Variants in TRIM21 observed in about 807,000 individuals in gnomAD.
TRIM21 encodes tripartite motif containing 21.
A neutral mutation model predicts 36.1 loss-of-function variants in TRIM21; 35 were observed. That is an observed-to-expected ratio of 0.97 (90% CI 0.74 to 1.28). The LOEUF is 1.28. Ranked by LOEUF, TRIM21 falls within the 50% of genes most tolerant of loss-of-function variation. The pLI, the probability that TRIM21 is intolerant of heterozygous loss-of-function variation, is 0.00. For missense variants in TRIM21, 635 were observed against 570.7 expected (o/e 1.11, Z -1.15); for synonymous variants, 256 against 211.5 (o/e 1.21, Z -1.83).
chr11:4,393,344 G>T (rs989144553), intron 1 of TRIM21, among the ~76,000 whole-genome samples: 2 of 151,850 alleles, frequency 1.3e-5, no homozygotes, highest in Non-Finnish European at 2.9e-5. Context: ...TCCCCTTCTG[G>T]GTAACTCCAC....
chr11:4,391,519 G>T (rs1007306839), intron 1 of TRIM21, among the ~76,000 whole-genome samples: 3 of 152,198 alleles, frequency 2.0e-5, no homozygotes, highest in Non-Finnish European at 4.4e-5. Context: ...CAGTTTGGAG[G>T]TTCTTCAAAA....
At chr11:4,390,817 A>T (rs745538157) in intron 1 of TRIM21, among the ~76,000 whole-genome samples, 1 of 152,208 alleles carries the variant, frequency 6.6e-6, no homozygotes, top group Non-Finnish European at 1.5e-5. Context: ...AAGAACATAC[A>T]GTGAGGAAAG....
intron 6 of TRIM21, 53 bp from the exon 7 acceptor site, chr11:4,385,906 T>A: frequency 1.4e-6 from 2 of 1,454,802 alleles, no homozygotes; most frequent in Non-Finnish European, 9.3e-7. Context: ...TCACTAAGTC[T>A]GTGCCTGTGG....
intron 3 of TRIM21, among the ~76,000 whole-genome samples, chr11:4,388,950 C>T (rs191427648): frequency 9.7e-4 from 148 of 152,286 alleles, no homozygotes; most frequent in African/African-American, 3.2e-3. Flanking sequence ...GCCACCACCT[C>T]TAAGTCCTGG....
rs1334122903 is a variant in TRIM21 at position 4,389,520 on chromosome 11, G to T, written c.504+134C>A. The T allele has an allele frequency of 4.2e-5, 31 of 745,578 alleles. No individual in the cohort carries two copies. The East Asian group carries it at 7.8e-4, about 19-fold the overall frequency. The allele number at this position is 745,578 out of a possible 1,614,324, so 46.2% of individuals were successfully genotyped here. ...CTATTTGTAAACCTAGAGAGCAGCT[G>T]GCTTCTGGAGAGTGAGACGGACCAA... On this transcript the variant is annotated intron_variant, in intron 3 of 6. Transcript: ENST00000254436.
chr11:4,391,504 G>A (rs1160607440), intron 1 of TRIM21, among the ~76,000 whole-genome samples: 2 of 152,174 alleles, frequency 1.3e-5, no homozygotes, highest in African/African-American at 4.8e-5. Flanking sequence ...AATCACTACA[G>A]AGAACAGTTT....
intron 1 of TRIM21, among the ~76,000 whole-genome samples, chr11:4,391,849 T>A (rs1044777640): frequency 3.9e-5 from 6 of 152,198 alleles, no homozygotes; most frequent in African/African-American, 1.4e-4. Context: ...TTGTATGGTC[T>A]CACTCATTTG....
chr11:4,387,264 T>TC (rs1415940393), intron 4 of TRIM21, among the ~76,000 whole-genome samples: 1 of 139,598 alleles, frequency 7.2e-6, no homozygotes, highest in Non-Finnish European at 1.6e-5. Flanking sequence ...TTTTTTTTTT[T>TC]TCCCCAGGGG....
intron 1 of TRIM21, among the ~76,000 whole-genome samples, chr11:4,392,268 T>C (rs1481037416): frequency 6.6e-6 from 1 of 151,474 alleles, no homozygotes; most frequent in East Asian, 1.9e-4. Context: ...AAATAAAAAA[T>C]AAGAATAAAA....
intron 1 of TRIM21, among the ~76,000 whole-genome samples, chr11:4,391,848 C>G (rs2094963351): frequency 6.6e-6 from 1 of 152,112 alleles, no homozygotes; most frequent in South Asian, 2.1e-4. Flanking sequence ...ATTGTATGGT[C>G]TCACTCATTT....
intron 1 of TRIM21, among the ~76,000 whole-genome samples, chr11:4,390,874 G>A (rs1228133302): frequency 6.6e-6 from 1 of 152,148 alleles, no homozygotes; most frequent in Non-Finnish European, 1.5e-5. Flanking sequence ...ATATCCACAT[G>A]CAGAAGAATG....
chr11:4,388,378 G>A lies in TRIM21; in HGVS notation c.657C>T (p.Ala219=). 6.2e-7 allele frequency: 1 copy of A among 1,613,874 alleles called. No homozygotes were observed. Among genetic ancestry groups the A allele is most frequent in the Non-Finnish European group, 8.5e-7 (1 of 1,179,880 alleles). ...GCTCCTGTAGGGCCTGGCTCTGCTGGGCCAGCTTGGCCTCTTTCTCCCCCA... is the reference window on the plus strand; with the variant it reads ...GCTCCTGTAGGGCCTGGCTCTGCTGAGCCAGCTTGGCCTCTTTCTCCCCCA... ...RILGEKEAKL[A]QQSQALQELI... is the part of the protein sequence containing the mutation. Residue 219 remains alanine (A), a synonymous_variant, in exon 4 of 7, where the codon GCC becomes GCT. Coordinates refer to ENST00000254436, the MANE Select transcript of TRIM21 (RefSeq NM_003141.4).
At chr11:4,388,782 G>A (rs781703993) in intron 3 of TRIM21, among the ~76,000 whole-genome samples, 4 of 152,116 alleles carry the variant, frequency 2.6e-5, no homozygotes, top group Admixed American at 6.5e-5. Context: ...GGCCTACAAC[G>A]ACAGCTACAC....
At chr11:4,388,595 G>A (rs1054717695) in intron 3 of TRIM21, 65 bp from the exon 4 acceptor site, 28 of 1,505,456 alleles carry the variant, frequency 1.9e-5, no homozygotes, top group South Asian at 2.3e-5. Context: ...GGGAATGGAG[G>A]TATTGGTACC....
intron 1 of TRIM21, 37 bp downstream of exon 1, chr11:4,393,570 GGGGCAGGGGAGAGAGGTCCCCTAGGA>G: frequency 6.5e-6 from 1 of 152,724 alleles, no homozygotes; most frequent in Admixed American, 6.5e-5. Context: ...CTGCAACCCT[GGGGCAGGGGAGAGAGGTCCCCTAGGA>G]GGGCAGGGGT....
In TRIM21 at chr11:4,388,366, C is replaced by G. The variant is rs375673915; in HGVS notation, c.669G>C (p.Gln223His). 16 of 1,614,000 alleles carry G rather than the reference C, an allele frequency of 9.9e-6. No individual in the cohort carries two copies. Among genetic ancestry groups the G allele is most frequent in the South Asian group, 4.4e-5 (4 of 91,086 alleles). The change falls in exon 4 of 7, where the codon CAG becomes CAC. Residue 223 changes from glutamine (Q) to histidine (H), a missense_variant. By Grantham distance (24) the Gln-to-His change is conservative. Coordinates refer to ENST00000254436, the MANE Select transcript of TRIM21 (RefSeq NM_003141.4). ...EKEAKLAQQS[Q>H]ALQELISELD... ...GCTCTGAGATGAGCTCCTGTAGGGC[C>G]TGGCTCTGCTGGGCCAGCTTGGCCT...
rs2094954493 is a variant in TRIM21, at chr11:4,385,115, C to G, written c.*170G>C. ...TCACTGGAGGGAATCACAAAGCCAT[C>G]TGGGGCAGGAATGTTGATGGTGAAG... is the stretch of plus-strand genomic sequence containing the variant. On this transcript the variant is annotated 3_prime_UTR_variant, in exon 7 of 7. Transcript: ENST00000254436. The G allele has an allele frequency of 3.3e-6, 2 of 615,298 alleles. No individual in the cohort carries two copies. Among genetic ancestry groups the G allele is most frequent in the Non-Finnish European group, 5.5e-6 (2 of 365,490 alleles). 38.1% of individuals were successfully genotyped at this position (615,298 alleles called of 1,614,324 possible). A position where few individuals can be genotyped will look rare whatever the true frequency, so the allele number is the denominator to read the frequency against.
chr11:4,385,501 T>A lies in TRIM21; in HGVS notation c.1212A>T (p.Pro404=). 6.2e-7 allele frequency: 1 copy of A among 1,611,976 alleles called. No individual in the cohort carries two copies. Among genetic ancestry groups the A allele is most frequent in the Non-Finnish European group, 8.5e-7 (1 of 1,178,982 alleles). ...AGTCCAGGAAAATCCCAACTTGGCA[T>A]GGAGGCACCTGAAGGTGGAGGGGAG... is the stretch of plus-strand genomic sequence containing the variant. ...PQTPLHLQVP[P]CQVGIFLDYE... is the part of the protein sequence containing the mutation. Residue 404 remains proline, a synonymous_variant, in exon 7 of 7, where the codon CCA becomes CCT. Coordinates refer to ENST00000254436, the MANE Select transcript of TRIM21 (RefSeq NM_003141.4).
intron 4 of TRIM21, 35 bp downstream of exon 4, chr11:4,388,265 C>T (rs1292062619): frequency 1.3e-6 from 2 of 1,562,938 alleles, no homozygotes; most frequent in Admixed American, 3.7e-5. Context: ...TCAGTTATTC[C>T]CTGAATTGTA....
Sources: allele counts gnomAD v4.1 joint callset (sites outside exome capture counted in the v4.1 genomes callset), GRCh38; gene constraint gnomAD v4.1.1; transcripts MANE v1.5; gene names NCBI Gene and HGNC (gene_info 2026-07-23, HGNC 2026-07-21).